The following SEMA3A variants were observed in gnomAD, a reference collection of about 807,000 sequenced individuals.
SEMA3A encodes semaphorin 3A, also known as semaphorin-3A.
SEMA3A carries 29 observed loss-of-function variants against 97.9 expected under a neutral mutation model. The ratio of observed to expected loss-of-function variants is 0.30; its 90% CI spans 0.22 to 0.40. The LOEUF (loss-of-function observed/expected upper bound fraction) is 0.40, where lower values mean the gene tolerates loss of function less well. Among genes scored for constraint, SEMA3A ranks in the 10% least tolerant of loss-of-function variants. The pLI is 1.00. For missense variants in SEMA3A, 763 were observed against 951.3 expected, an observed-to-expected ratio of 0.80 and a Z score of 2.60; for synonymous variants, 321 against 323.7, an observed-to-expected ratio of 0.99 and a Z score of 0.09.
At chr7:84,157,672 T>C (rs62476999) in intron 1 of SEMA3A, among the ~76,000 whole-genome samples, 3 of 152,080 alleles carry the variant, frequency 2.0e-5, no homozygotes, top group Non-Finnish European at 4.4e-5. Context: ...GTTGTAATTA[T>C]CCAAATTTGG....
chr7:84,228,770 T>C (rs1206243549), intron 3 of SEMA3A, among the ~76,000 whole-genome samples: 1 of 152,132 alleles, frequency 6.6e-6, no homozygotes, highest in East Asian at 1.9e-4. Context: ...TTTCATGGGC[T>C]GACTGCAACC....
chr7:84,240,853 G>C (rs760085806), intron 3 of SEMA3A, among the ~76,000 whole-genome samples: 30 of 152,182 alleles, frequency 2.0e-4, no homozygotes, highest in Non-Finnish European at 3.5e-4. Context: ...AGAACATGCT[G>C]TGTTTGGTTT....
intron 4 of SEMA3A, among the ~76,000 whole-genome samples, chr7:84,109,166 C>A (rs1408396308): frequency 1.3e-5 from 2 of 152,004 alleles, no homozygotes; most frequent in Non-Finnish European, 2.9e-5. Context: ...AAATCAGGTG[C>A]TAAAACAAAT....
chr7:84,370,497 G>T (rs1802947373), intron 2 of SEMA3A, among the ~76,000 whole-genome samples: 1 of 151,574 alleles, frequency 6.6e-6, no homozygotes, highest in African/African-American at 2.4e-5. Flanking sequence ...GTAAAAGTTA[G>T]ATTTGATAGG....
chr7:84,305,064 G>C lies in SEMA3A; in HGVS notation c.-83+2143C>G, dbSNP rs551487148. ...CAGAACTATTCTCAGATTTGGGAGAGGAAATAAATGTATCATGGATCTTGC... is the reference window on the plus strand; with the variant it reads ...CAGAACTATTCTCAGATTTGGGAGACGAAATAAATGTATCATGGATCTTGC... On this transcript the variant is annotated intron_variant, in intron 3 of 3. Coordinates refer to the SEMA3A transcript ENST00000424555. 6.6e-5 allele frequency among the ~76,000 whole-genome samples: 10 copies of C among 151,972 alleles called. No individual in the cohort carries two copies. The East Asian group carries it at 1.5e-3, about 24-fold the overall frequency.
Position 84,312,854 on chromosome 7 carries a change from G to A in SEMA3A, c.-168-5562C>T, listed in dbSNP as rs111397009. Among the ~76,000 whole-genome samples the A allele has an allele frequency of 3.3e-5, 4 of 122,408 alleles. 1 individual carries two copies. Among genetic ancestry groups the A allele is most frequent in the African/African-American group, 1.3e-4 (4 of 31,226 alleles). 80.3% of individuals were successfully genotyped at this position (122,408 alleles called of 152,430 possible). A position where few individuals can be genotyped will look rare whatever the true frequency, so the allele number is the denominator to read the frequency against. On this transcript the variant is annotated intron_variant, in intron 2 of 3. Coordinates refer to the SEMA3A transcript ENST00000424555. ...TTCTGGAGTCCCTATTTCTTTCAGA[G>A]GATATTTTGGTGTTGTTTTATATAT... is the stretch of plus-strand genomic sequence containing the variant.
intron 1 of SEMA3A, among the ~76,000 whole-genome samples, chr7:84,455,714 C>A (rs963664716): frequency 6.6e-6 from 1 of 151,720 alleles, no homozygotes; most frequent in African/African-American, 2.4e-5. Flanking sequence ...AAGTTTAGAA[C>A]GAAGTGATAA....
intron 3 of SEMA3A, among the ~76,000 whole-genome samples, chr7:84,121,505 T>A (rs1270096866): frequency 2.6e-5 from 4 of 151,500 alleles, no homozygotes; most frequent in Admixed American, 6.6e-5. Flanking sequence ...AATGATGGTT[T>A]CCAGCTTCAT....
At chr7:84,142,437 G>C (rs189605223) in intron 1 of SEMA3A, among the ~76,000 whole-genome samples, 1 of 152,234 alleles carries the variant, frequency 6.6e-6, no homozygotes, top group East Asian at 1.9e-4. Flanking sequence ...AATTGACTCA[G>C]ATAGGCTATC....
chr7:84,091,272 AAAG>A lies in SEMA3A; in HGVS notation c.453+19195_453+19197del, dbSNP rs771529683. ...GAAAGAACGAAGGAAAGAGAAAAAG[AAAG>A]AAAAGAAAGAAAGAAAGAAAAAGAA... On this transcript the variant is annotated intron_variant, in intron 4 of 16. Transcript: ENST00000265362. 0.015 allele frequency among the ~76,000 whole-genome samples: 2,096 copies of A among 141,338 alleles called. 182 individuals are homozygous for A. In the East Asian group the frequency reaches 0.2, roughly 14 times the overall value. The allele number at this position is 141,338 out of a possible 152,430, so 92.7% of individuals were successfully genotyped here.
chr7:83,980,615 A>C (rs1323892901), intron 14 of SEMA3A, among the ~76,000 whole-genome samples: 3 of 82,632 alleles, frequency 3.6e-5, no homozygotes, highest in East Asian at 7.4e-4. Flanking sequence ...AAAAAAAAAA[A>C]AAAAAAAAAT....
rs773309858 is a variant in SEMA3A, at chr7:84,007,482, T to A, written c.1011A>T (p.Gly337=). 2.0e-5 allele frequency: 32 copies of A among 1,570,468 alleles called. 1 individual carries two copies. Among genetic ancestry groups the A allele is most frequent in the South Asian group, 4.8e-5 (4 of 83,952 alleles). The change falls in exon 10 of 17, where the codon GGA becomes GGT. Residue 337 remains glycine, a synonymous_variant. Coordinates refer to ENST00000265362, the MANE Select transcript of SEMA3A (RefSeq NM_006080.3). ...TCATGCTATACATACACACGGCTGA[T>A]CCCTTGAAAATGTTACTGAACAAGA... ...VFTTSSNIFK[G]SAVCMYSMSD...
intron 1 of SEMA3A, among the ~76,000 whole-genome samples, chr7:84,385,963 T>C (rs1803385173): frequency 6.6e-6 from 1 of 152,238 alleles, no homozygotes; most frequent in African/African-American, 2.4e-5. Flanking sequence ...GCAGCTCACA[T>C]ACATGAACAT....
intron 3 of SEMA3A, among the ~76,000 whole-genome samples, chr7:84,210,010 T>C (rs1229671095): frequency 6.6e-6 from 1 of 152,174 alleles, no homozygotes; most frequent in African/African-American, 2.4e-5. Context: ...ATAATGTACA[T>C]GTTCAATTTA....
chr7:84,187,394 G>T (rs1231540669), intron 1 of SEMA3A, among the ~76,000 whole-genome samples: 1 of 152,034 alleles, frequency 6.6e-6, no homozygotes, highest in Admixed American at 6.6e-5. Context: ...GGAAAATCTG[G>T]GTTTTTGTCC....
chr7:84,010,873 A>G, intron 9 of SEMA3A, 149 bp downstream of exon 9: 2 of 565,508 alleles, frequency 3.5e-6, no homozygotes, highest in Non-Finnish European at 6.4e-6. Flanking sequence ...TACGTAGATC[A>G]TAACTTCTTT....
At chr7:84,148,935 G>T (rs1796546012) in intron 1 of SEMA3A, among the ~76,000 whole-genome samples, 1 of 152,156 alleles carries the variant, frequency 6.6e-6, no homozygotes, top group Non-Finnish European at 1.5e-5. Flanking sequence ...TGTGTTAATT[G>T]ACTGTGTTAT....
intron 3 of SEMA3A, among the ~76,000 whole-genome samples, chr7:84,231,565 A>C (rs1024020998): frequency 2.6e-5 from 4 of 152,026 alleles, no homozygotes; most frequent in African/African-American, 9.7e-5. Context: ...ATTTTTAAGG[A>C]GAGACCTATT....
intron 2 of SEMA3A, among the ~76,000 whole-genome samples, chr7:84,319,756 A>T (rs113899382): frequency 0.026 from 3,896 of 152,264 alleles, 171 homozygotes; most frequent in African/African-American, 0.089. Flanking sequence ...CATAACTTTT[A>T]AAAAGTTGTG....
Sources: allele counts gnomAD v4.1 joint callset (sites outside exome capture counted in the v4.1 genomes callset), GRCh38; gene constraint gnomAD v4.1.1; transcripts MANE v1.5; gene names NCBI Gene and HGNC (gene_info 2026-07-23, HGNC 2026-07-21).